The following SH3PXD2A variants were observed in gnomAD, a reference collection of about 807,000 sequenced individuals.
SH3PXD2A encodes SH3 and PX domain-containing protein 2A.
A neutral mutation model predicts 115.2 loss-of-function variants in SH3PXD2A; 32 were observed. That is an observed-to-expected ratio of 0.28 (90% CI 0.21 to 0.37). The LOEUF is 0.37. SH3PXD2A is among the 10% of genes least tolerant of loss of function. The pLI is 1.00. For missense variants in SH3PXD2A, 1,328 were observed against 1,498.7 expected (o/e 0.89, Z 1.88); for synonymous variants, 610 against 629.1 (o/e 0.97, Z 0.45).
intron 1 of SH3PXD2A, among the ~76,000 whole-genome samples, chr10:103,811,603 T>C (rs1352978844): frequency 2.0e-5 from 3 of 152,200 alleles, no homozygotes; most frequent in African/African-American, 7.2e-5. Flanking sequence ...CTCTTTGTCT[T>C]CTTTAATAAC....
chr10:103,678,038 C>T (rs2037562030), intron 6 of SH3PXD2A: 2 of 1,030,580 alleles, frequency 1.9e-6, no homozygotes, highest in Non-Finnish European at 2.7e-6. Flanking sequence ...TGGCTCCCAG[C>T]ATCTGCTTTA....
At chr10:103,825,692 C>T (rs2039423266) in intron 1 of SH3PXD2A, among the ~76,000 whole-genome samples, 1 of 152,050 alleles carries the variant, frequency 6.6e-6, no homozygotes, top group South Asian at 2.1e-4. Context: ...ACAGCACTGA[C>T]ACACTTGGCT....
intron 10 of SH3PXD2A, among the ~76,000 whole-genome samples, chr10:103,621,201 T>C (rs968001975): frequency 6.6e-6 from 1 of 152,110 alleles, no homozygotes; most frequent in African/African-American, 2.4e-5. Context: ...TGCAAGGGTG[T>C]TTGGAGCCAA....
chr10:103,741,757 C>T (rs1314447429), intron 3 of SH3PXD2A, among the ~76,000 whole-genome samples: 2 of 152,224 alleles, frequency 1.3e-5, no homozygotes, highest in East Asian at 3.9e-4. Flanking sequence ...GCCCTCCTGC[C>T]CTTCTAACTG....
chr10:103,787,213 C>A (rs2038988840), intron 2 of SH3PXD2A, among the ~76,000 whole-genome samples: 1 of 152,226 alleles, frequency 6.6e-6, no homozygotes, highest in Non-Finnish European at 1.5e-5. Flanking sequence ...ACAGGTGATT[C>A]TGTCACCCAT....
At position 103,605,893 on chromosome 10, in the gene SH3PXD2A, C is replaced by G; in HGVS notation, c.1333G>C (p.Glu445Gln). 6.2e-7 allele frequency: 1 copy of G among 1,614,108 alleles called. No homozygotes were observed. The highest frequency in any genetic ancestry group is 8.5e-7 in the Non-Finnish European group (1 of 1,179,986). The change falls in exon 14 of 15, where the codon GAG (glutamate) becomes CAG (glutamine). Residue 445 changes from glutamate (E) to glutamine (Q), a missense_variant. By Grantham distance (29) the Glu-to-Gln change is conservative (BLOSUM62 2). Around this residue, in one of 5 missense-constraint regions of SH3PXD2A, gnomAD observed 509 missense variants for 628.3 expected, o/e 0.81. Transcript: ENST00000369774. Reference protein sequence around the residue: ...SLGFQLPKPPEPPSVEVEYYT... With the variant: ...SLGFQLPKPPQPPSVEVEYYT... ...TACTCCACCTCAACAGAAGGGGGCT[C>G]TGGTGGCTTTGGCAGTTGGAACCCC...
intron 6 of SH3PXD2A, among the ~76,000 whole-genome samples, chr10:103,672,522 G>A (rs752066940): frequency 6.6e-5 from 10 of 152,196 alleles, no homozygotes; most frequent in African/African-American, 1.7e-4. Flanking sequence ...GAGGCAACCC[G>A]AGTCCAAAAT....
chr10:103,832,919 CA>C (rs1049771577), intron 1 of SH3PXD2A, among the ~76,000 whole-genome samples: 7 of 152,062 alleles, frequency 4.6e-5, no homozygotes, highest in African/African-American at 1.7e-4. Flanking sequence ...GAAGTAGAAC[CA>C]CCAGGTCACA....
chr10:103,790,531 C>A (rs896280267), intron 2 of SH3PXD2A, among the ~76,000 whole-genome samples: 12 of 152,116 alleles, frequency 7.9e-5, no homozygotes, highest in Non-Finnish European at 1.3e-4. Context: ...GAGTTCTAGT[C>A]CTGCTGTCAC....
chr10:103,601,897 G>A lies in SH3PXD2A; in HGVS notation c.3321C>T (p.Gly1107=). The change falls in exon 15 of 15, where the codon GGC becomes GGT. Residue 1107 remains glycine (G), a synonymous_variant. Coordinates refer to ENST00000369774, the MANE Select transcript of SH3PXD2A (RefSeq NM_001394015.1). ...SMEVLERNPN[G]WWYCQILDGV... ...CATCCAGGATCTGGCAGTACCACCA[G>A]CCATTAGGGTTCCTCTCCAGAACCT... 1.2e-6 allele frequency: 2 copies of A among 1,613,930 alleles called. No homozygotes were observed. The highest frequency in any genetic ancestry group is 2.2e-5 in the South Asian group (2 of 91,074).
intron 12 of SH3PXD2A, among the ~76,000 whole-genome samples, chr10:103,612,553 T>C (rs1360179702): frequency 6.6e-6 from 1 of 152,206 alleles, no homozygotes; most frequent in African/African-American, 2.4e-5. Flanking sequence ...TTGGAACGCG[T>C]GTATCTGCAG....
At chr10:103,644,565 G>A (rs528036044) in intron 8 of SH3PXD2A, among the ~76,000 whole-genome samples, 1 of 135,126 alleles carries the variant, frequency 7.4e-6, no homozygotes, top group East Asian at 2.2e-4. Flanking sequence ...TAGCCTGGGC[G>A]ACAGAGTGAG....
chr10:103,680,655 C>T lies in SH3PXD2A; in HGVS notation c.428-12003G>A, dbSNP rs549317864. On this transcript the variant is annotated intron_variant, in intron 6 of 14. Coordinates refer to ENST00000369774, the MANE Select transcript of SH3PXD2A (RefSeq NM_001394015.1). ...GTCTTGGTGCAAGACTTTATTCTAACAATAAATAACAAAATACATTTTCAA... is the reference window on the plus strand; with the variant it reads ...GTCTTGGTGCAAGACTTTATTCTAATAATAAATAACAAAATACATTTTCAA... Among the ~76,000 whole-genome samples, 3 of 152,252 alleles carry T rather than the reference C, an allele frequency of 2.0e-5. No individual in the cohort carries two copies. The East Asian group carries it at 5.8e-4, about 29-fold the overall frequency.
chr10:103,835,075 GC>G (rs910347049), intron 1 of SH3PXD2A, among the ~76,000 whole-genome samples: 3 of 152,318 alleles, frequency 2.0e-5, no homozygotes, highest in African/African-American at 7.2e-5. Flanking sequence ...GGCAGAGGTG[GC>G]CCTTTAAGGT....
chr10:103,747,752 G>T (rs866151884), intron 3 of SH3PXD2A, among the ~76,000 whole-genome samples: 3 of 152,210 alleles, frequency 2.0e-5, no homozygotes, highest in African/African-American at 7.2e-5. Flanking sequence ...CCACAGGGGA[G>T]TTTGCCTGGC....
chr10:103,823,512 C>CTAGG (rs2039400914), intron 1 of SH3PXD2A, among the ~76,000 whole-genome samples: 1 of 152,216 alleles, frequency 6.6e-6, no homozygotes. Context: ...GTTCCATGTG[C>CTAGG]TAGGCTCTGC....
Position 103,665,339 on chromosome 10 carries a change from C to T in SH3PXD2A, c.472+3269G>A, listed in dbSNP as rs1232459151. Among the ~76,000 whole-genome samples, 8 of 152,146 alleles carry T rather than the reference C, an allele frequency of 5.3e-5. No homozygotes were observed. The highest frequency in any genetic ancestry group is 1.2e-4 in the Non-Finnish European group (8 of 68,024). ...GAAAATCTGAGGCAGGGTTTCAAAG[C>T]AGAGTTAAATCCACACCCCCACACC... On this transcript the variant is annotated intron_variant, in intron 7 of 14. Coordinates refer to ENST00000369774, the MANE Select transcript of SH3PXD2A (RefSeq NM_001394015.1). This position sits in a 1 kb window ranked among gnomAD's most constrained non-coding sequence, Gnocchi z 4.0.
chr10:103,761,246 T>C (rs1481194506), intron 3 of SH3PXD2A, among the ~76,000 whole-genome samples: 26 of 152,136 alleles, frequency 1.7e-4, no homozygotes, highest in African/African-American at 2.2e-4. Context: ...GATGTTACCA[T>C]TGGGGGGAAG....
rs2133958532 is a variant in SH3PXD2A, at chr10:103,627,451, G to A, written c.605-249C>T. On this transcript the variant is annotated intron_variant, in intron 8 of 14. Coordinates refer to ENST00000369774, the MANE Select transcript of SH3PXD2A (RefSeq NM_001394015.1). The surrounding 1 kb of genome is among the most constrained non-coding windows in gnomAD (Gnocchi z 4.4). The stretch of plus-strand genomic sequence containing the variant: ...CTGTGAGCCACACTAACAAATGTCT[G>A]ATGGAAAATGAAATAGACATAGTGA... 2.0e-5 allele frequency among the ~76,000 whole-genome samples: 3 copies of A among 152,322 alleles called. No individual in the cohort carries two copies. The highest frequency in any genetic ancestry group is 2.0e-4 in the Admixed American group (3 of 15,304).
Sources: gnomAD v4.1 joint callset for allele counts (sites outside exome capture counted in the v4.1 genomes callset) on GRCh38, gnomAD v4.1.1 for gene constraint, gnomAD v4.1.1 regional missense constraint, Gnocchi (gnomAD v3.1) non-coding constraint, MANE v1.5 for transcripts, NCBI Gene and HGNC (gene_info 2026-07-23, HGNC 2026-07-21) for gene names.